ARSD: variants seen among roughly 807,000 people sequenced by gnomAD.
The protein encoded by ARSD is testis tissue sperm-binding protein Li 39a.
ARSD carries 21 observed loss-of-function variants against 32.6 expected under a neutral mutation model. The ratio of observed to expected loss-of-function variants is 0.64; its 90% confidence interval spans 0.46 to 0.93. ARSD has a LOEUF of 0.93. Among genes scored for constraint, ARSD ranks in the 40% least tolerant of loss-of-function variants. The pLI is 0.00. For missense variants in ARSD, 454 were observed against 520.9 expected (o/e 0.87, Z 1.25); for synonymous variants, 224 against 237.4 (o/e 0.94, Z 0.52).
At chrX:2,928,784 G>T (rs1026616650) in intron 1 of ARSD, among the ~76,000 whole-genome samples, 1 of 109,206 alleles carries the variant, frequency 9.2e-6, no homozygotes, top group African/African-American at 3.3e-5. Flanking sequence ...GGGCAGAGCG[G>T]GGGGCGCGGT....
intron 3 of ARSD, among the ~76,000 whole-genome samples, chrX:2,921,469 C>T (rs976328226): frequency 8.9e-6 from 1 of 111,985 alleles, no homozygotes; most frequent in Non-Finnish European, 1.9e-5. Context: ...TATGTATCAT[C>T]ATCATCTAGA....
At position 2,904,502 on chromosome X, in the gene ARSD, A is replaced by C. The variant is rs777148872; in HGVS notation, c.*2769T>G. 1 of 112,095 alleles carries C rather than the reference A, an allele frequency of 8.9e-6. No individual in the cohort carries two copies. The highest frequency in any genetic ancestry group is 3.3e-5 in the African/African-American group (1 of 30,723). The allele number at this position is 112,095 out of a possible 1,213,427, so 9.2% of individuals were successfully genotyped here. A position where few individuals can be genotyped will look rare whatever the true frequency, so the allele number is the denominator to read the frequency against. On this transcript the variant is annotated 3_prime_UTR_variant, in exon 10 of 10. Coordinates refer to ENST00000381154, the MANE Select transcript of ARSD (RefSeq NM_001669.4). ...CTCACAGGAGCCCGTTAGTCAACTG[A>C]AGCTGGTTCATGGCTCTCTTCTTCA...
At chrX:2,915,334 T>C (rs759978651) in intron 6 of ARSD, among the ~76,000 whole-genome samples, 1 of 111,650 alleles carries the variant, frequency 9.0e-6, no homozygotes, top group East Asian at 2.8e-4. Flanking sequence ...TTTGTATTTT[T>C]AGTAGAGACA....
intron 1 of ARSD, 110 bp from the exon 2 acceptor site, chrX:2,925,875 G>A (rs2089078374): frequency 8.8e-6 from 7 of 797,996 alleles, no homozygotes; most frequent in African/African-American, 2.1e-5. Context: ...AAATTAAGAC[G>A]TTCAGCTTTA....
Position 2,920,655 on chromosome X carries a change from C to G in ARSD, c.385G>C (p.Glu129Gln). ...TGCAAGATTCTTGCAAAAGTGGTTTCGTTCTCAGGGAGTCCACCTGAGCCT... is the reference window on the plus strand; with the variant it reads ...TGCAAGATTCTTGCAAAAGTGGTTTGGTTCTCAGGGAGTCCACCTGAGCCT... ...NAGSGGLPEN[E>Q]TTFARILQQH... The change falls in exon 4 of 10, where the codon GAA becomes CAA. Residue 129 changes from glutamate to glutamine, a missense_variant. By Grantham distance (29) the Glu-to-Gln change is conservative (BLOSUM62 2). Coordinates refer to ENST00000381154, the MANE Select transcript of ARSD (RefSeq NM_001669.4). 6 of 1,211,967 alleles carry G rather than the reference C, an allele frequency of 5.0e-6. No homozygotes were observed. The highest frequency in any genetic ancestry group is 6.7e-6 in the Non-Finnish European group (6 of 895,591).
In ARSD at chrX:2,907,286, C is replaced by G. The variant is rs1395658100; in HGVS notation, c.1767G>C (p.Gly589=). The change falls in exon 10 of 10, where the codon GGG becomes GGC. Residue 589 remains glycine (G), a synonymous_variant. Transcript: ENST00000381154. ...HFPFCSCHED[G]DGTP ...GTCCTGGCATTCAGGGGGTGCCATC[C>G]CCATCCTCGTGGCATGAACAGAACG... 2.5e-6 allele frequency: 3 copies of G among 1,206,733 alleles called. No homozygotes were observed.
intron 6 of ARSD, chrX:2,914,052 C>G (rs927922291): frequency 3.8e-5 from 24 of 638,490 alleles, no homozygotes; most frequent in Non-Finnish European, 4.1e-5. Context: ...CCTGTGCAGC[C>G]TGCAGAACCG....
At chrX:2,913,993 T>C in intron 6 of ARSD, 1 of 413,980 alleles carries the variant, frequency 2.4e-6, no homozygotes, top group South Asian at 1.0e-4. Flanking sequence ...CCTTCCACCA[T>C]GAGCAAAAGC....
At chrX:2,929,025 C>T (rs2089122890) in intron 1 of ARSD, among the ~76,000 whole-genome samples, 1 of 112,457 alleles carries the variant, frequency 8.9e-6, no homozygotes, top group South Asian at 3.6e-4. Flanking sequence ...TCAGTCGCCC[C>T]CCATCCCTGG....
chrX:2,928,358 C>CG (rs1235678235), intron 1 of ARSD, among the ~76,000 whole-genome samples: 3 of 7,152 alleles, frequency 4.2e-4, no homozygotes, highest in South Asian at 8.0e-3. Flanking sequence ...ATGAAGCCCA[C>CG]GGGGGGGAAA....
chrX:2,905,045 T>G lies in ARSD; in HGVS notation c.*2226A>C, dbSNP rs200994400. The G allele has an allele frequency of 2.7e-4, 92 of 338,752 alleles. No individual in the cohort carries two copies. Among genetic ancestry groups the G allele is most frequent in the Non-Finnish European group, 5.2e-4 (88 of 169,524 alleles). The allele number at this position is 338,752 out of a possible 1,213,427, so 27.9% of individuals were successfully genotyped here. On this transcript the variant is annotated 3_prime_UTR_variant, in exon 10 of 10. Transcript: ENST00000381154. ...ATCTTCTCTTTGGCTTCAGGTTGAG[T>G]TCAGCCAACAGATGCCCCTGTAGGA... is the stretch of plus-strand genomic sequence containing the variant.
At chrX:2,913,934 T>C (rs115752668) in intron 6 of ARSD, 2 of 281,535 alleles carry the variant, frequency 7.1e-6, no homozygotes, top group Non-Finnish European at 1.0e-5. Context: ...CGGCTCTTCC[T>C]CTCCTCTCTT....
chrX:2,919,214 G>T (rs1414443028), intron 4 of ARSD, among the ~76,000 whole-genome samples: 1 of 44,162 alleles, frequency 2.3e-5, no homozygotes, highest in South Asian at 7.1e-4. Flanking sequence ...GAGGAACAAT[G>T]GTTGTCCTTT....
chrX:2,908,596 A>G, intron 9 of ARSD, 125 bp downstream of exon 9: 2 of 617,056 alleles, frequency 3.2e-6, no homozygotes, highest in South Asian at 3.5e-5. Flanking sequence ...TTCTATAGCT[A>G]TCTGTCCATC....
intron 1 of ARSD, among the ~76,000 whole-genome samples, chrX:2,926,069 T>C (rs184213680): frequency 8.9e-6 from 1 of 112,107 alleles, no homozygotes; most frequent in Non-Finnish European, 1.9e-5. Context: ...AACTCAAAAT[T>C]ACAAAGCTTT....
chrX:2,918,307 C>T lies in ARSD; in HGVS notation c.440-80G>A, dbSNP rs1360688868. On this transcript the variant is annotated intron_variant, in intron 4 of 9. Coordinates refer to ENST00000381154, the MANE Select transcript of ARSD (RefSeq NM_001669.4). ...TGCAAAGAACCTCGGAATCATTCCG[C>T]GTCGGCAGGAAAAGAAAAGTCTGCA... 4.1e-6 allele frequency: 4 copies of T among 983,847 alleles called. No individual in the cohort carries two copies. In the Admixed American group the frequency reaches 1.6e-4, roughly 38 times the overall value. 81.1% of individuals were successfully genotyped at this position (983,847 alleles called of 1,213,427 possible). A position where few individuals can be genotyped will look rare whatever the true frequency, so the allele number is the denominator to read the frequency against.
chrX:2,906,059 A>G lies in ARSD; in HGVS notation c.*1212T>C, dbSNP rs2147302605. ...AGCTGGGAATTGAAAAGAGCCTGCT[A>G]GCCTTGGGTTGCTTCCCCTTGATCG... On this transcript the variant is annotated 3_prime_UTR_variant, in exon 10 of 10. Coordinates refer to ENST00000381154, the MANE Select transcript of ARSD (RefSeq NM_001669.4). 9.0e-6 allele frequency: 1 copy of G among 111,652 alleles called. No homozygotes were observed. The highest frequency in any genetic ancestry group is 9.5e-5 in the Admixed American group (1 of 10,562). The allele number at this position is 111,652 out of a possible 1,213,427, so 9.2% of individuals were successfully genotyped here.
At chrX:2,913,930 T>C (rs74885169) in intron 6 of ARSD, 2 of 285,409 alleles carry the variant, frequency 7.0e-6, no homozygotes, top group Non-Finnish European at 5.0e-6. Flanking sequence ...TGTGCGGCTC[T>C]TCCTCTCCTC....
rs1302984370 is a variant in ARSD, at chrX:2,917,861, A to C, written c.806T>G (p.Met269Arg). The change falls in exon 5 of 10, where the codon ATG (methionine) becomes AGG (arginine). Residue 269 changes from methionine to arginine, a missense_variant. Met to Arg is a moderately conservative substitution (Grantham distance 91). Coordinates refer to ENST00000381154, the MANE Select transcript of ARSD (RefSeq NM_001669.4). ...AAGACTCGCTGTTTTCTCCAGAACC[A>C]TGGGTTGCTCCGTGACGTCATGGTT... is the stretch of plus-strand genomic sequence containing the variant. ...MRNHDVTEQP[M>R]VLEKTASLML... 1.7e-6 allele frequency: 2 copies of C among 1,211,747 alleles called. No homozygotes were observed. The highest frequency in any genetic ancestry group is 3.5e-5 in the African/African-American group (2 of 57,944).
Sources: gnomAD v4.1 joint callset for allele counts (sites outside exome capture counted in the v4.1 genomes callset) on GRCh38, gnomAD v4.1.1 for gene constraint, MANE v1.5 for transcripts, NCBI Gene and HGNC (gene_info 2026-07-23, HGNC 2026-07-21) for gene names.